The following CYP2J2 variants were observed in gnomAD, a reference collection of about 807,000 sequenced individuals.
CYP2J2 encodes the protein cytochrome P450 2J2.
In CYP2J2, 41 loss-of-function variants were observed where a neutral mutation model predicts 48.8. The observed-to-expected ratio is 0.84, with a 90% CI of 0.66 to 1.09. The LOEUF (loss-of-function observed/expected upper bound fraction) is 1.09, where lower values mean the gene tolerates loss of function less well. Among genes scored for constraint, CYP2J2 ranks in the 50% least tolerant of loss-of-function variants. The pLI is 0.00. For missense variants in CYP2J2, 644 were observed against 617.3 expected (o/e 1.04, Z -0.46); for synonymous variants, 221 against 227.1 (o/e 0.97, Z 0.24).
Position 59,911,749 on chromosome 1 carries a change from A to G in CYP2J2, c.543T>C (p.His181=). ...TGGAAACTGCATTGTTGATCTTGAAATGAGGGTCAAAAGGCTGTCCTGAAG... is the reference window on the plus strand; with the variant it reads ...TGGAAACTGCATTGTTGATCTTGAAGTGAGGGTCAAAAGGCTGTCCTGAAG... ...KEENGQPFDP[H]FKINNAVSNI... The change falls in exon 4 of 9, where the codon CAT becomes CAC. Residue 181 remains histidine (H), a synonymous_variant. Coordinates refer to ENST00000371204, the MANE Select transcript of CYP2J2 (RefSeq NM_000775.4). The G allele has an allele frequency of 6.2e-7, 1 of 1,613,302 alleles. No individual in the cohort carries two copies. Among genetic ancestry groups the G allele is most frequent in the Non-Finnish European group, 8.5e-7 (1 of 1,179,560 alleles).
rs1644274838 is a variant in CYP2J2, at chr1:59,896,916, T to C, written c.1331-3087A>G. Among the ~76,000 whole-genome samples the C allele has an allele frequency of 2.0e-5, 3 of 152,252 alleles. No homozygotes were observed. In the South Asian group the frequency reaches 6.2e-4, roughly 32 times the overall value. On this transcript the variant is annotated intron_variant, in intron 8 of 8. Coordinates refer to ENST00000371204, the MANE Select transcript of CYP2J2 (RefSeq NM_000775.4). ...ACATCATAACAGATATTATTCCCTA[T>C]AGTCAATTCTATTTGCTGCTTTTAC...
chr1:59,916,391 T>A (rs1223814890), intron 1 of CYP2J2, among the ~76,000 whole-genome samples: 1 of 152,188 alleles, frequency 6.6e-6, no homozygotes, highest in Non-Finnish European at 1.5e-5. Context: ...TGAGTGAGCA[T>A]CTATCATGTG....
chr1:59,946,092 CCTGT>C, the CYP2J2 span, among the ~76,000 whole-genome samples: 768 of 152,322 alleles, frequency 5.0e-3, 10 homozygotes, highest in African/African-American at 0.017. Flanking sequence ...TGCTAAAGTA[CCTGT>C]CTAATGCCTT....
chr1:59,926,546 CT>C lies in CYP2J2; in HGVS notation c.200del (p.Glu67GlyfsTer6). 6.2e-7 allele frequency: 1 copy of C among 1,613,958 alleles called. No individual in the cohort carries two copies. Among genetic ancestry groups the C allele is most frequent in the Non-Finnish European group, 8.5e-7 (1 of 1,179,804 alleles). On this transcript the variant is annotated frameshift_variant, in exon 1 of 9. Coordinates refer to ENST00000371204, the MANE Select transcript of CYP2J2 (RefSeq NM_000775.4). LOFTEE classifies it high-confidence loss of function. ...CTTCTCCCACTCCTACCAGCTGAAC[CT>C]CCAGGTGCGACTGCTCGAAGTCCAC... ...FLVDFEQSHLEVQLFVKKYGN... is the reference protein window; with the variant it reads ...FLVDFEQSHLXVQLFVKKYGN...
the CYP2J2 span, among the ~76,000 whole-genome samples, chr1:59,935,850 T>C: frequency 1.3e-4 from 20 of 152,240 alleles, no homozygotes; most frequent in African/African-American, 4.3e-4. Context: ...CTTGGCTCAC[T>C]GCAACCTCCT....
At chr1:59,939,562 T>C in the CYP2J2 span, among the ~76,000 whole-genome samples, 2 of 152,190 alleles carry the variant, frequency 1.3e-5, no homozygotes, top group African/African-American at 2.4e-5. Context: ...GGATCTCACC[T>C]AAGGTCTGCT....
chr1:59,933,594 C>T, the CYP2J2 span, among the ~76,000 whole-genome samples: 1 of 152,160 alleles, frequency 6.6e-6, no homozygotes, highest in East Asian at 1.9e-4. Context: ...TGTGTGGAAT[C>T]TTTAGAGTTT....
At chr1:59,921,911 C>T (rs1463616917) in intron 1 of CYP2J2, among the ~76,000 whole-genome samples, 2 of 152,128 alleles carry the variant, frequency 1.3e-5, no homozygotes, top group Non-Finnish European at 2.9e-5. Flanking sequence ...CTTCTGCATA[C>T]TGATGTTAAA....
chr1:59,958,020 T>C, the CYP2J2 span, among the ~76,000 whole-genome samples: 3 of 152,198 alleles, frequency 2.0e-5, no homozygotes, highest in Non-Finnish European at 2.9e-5. Context: ...CAGATCTCTG[T>C]GCTCTTGACA....
intron 1 of CYP2J2, among the ~76,000 whole-genome samples, chr1:59,924,374 A>C (rs898262271): frequency 5.3e-5 from 8 of 152,162 alleles, no homozygotes; most frequent in African/African-American, 1.9e-4. Context: ...ATAAATGAAA[A>C]GGGTAAATAA....
rs576624129 is a variant in CYP2J2 at position 59,921,870 on chromosome 1, A to G, written c.210+4667T>C. On this transcript the variant is annotated intron_variant, in intron 1 of 8. Transcript: ENST00000371204. The stretch of plus-strand genomic sequence containing the variant: ...GTTAGAAATTGCTGATGCACACACT[A>G]TATTGTAAATTCTTATCTCTGTATA... Among the ~76,000 whole-genome samples the G allele has an allele frequency of 2.0e-5, 3 of 152,238 alleles. No individual in the cohort carries two copies. In the East Asian group the frequency reaches 5.8e-4, roughly 30 times the overall value.
chr1:59,918,722 C>A (rs763035743), intron 1 of CYP2J2, among the ~76,000 whole-genome samples: 2 of 149,412 alleles, frequency 1.3e-5, no homozygotes, highest in African/African-American at 4.9e-5. Context: ...AAATAAGATG[C>A]CTTTTGAAAG....
chr1:59,907,911 G>A lies in CYP2J2; in HGVS notation c.878C>T (p.Thr293Ile). The A allele has an allele frequency of 1.2e-6, 2 of 1,614,096 alleles. No homozygotes were observed. Among genetic ancestry groups the A allele is most frequent in the Non-Finnish European group, 1.7e-6 (2 of 1,179,950 alleles). ...GAGGTTTTCTTCATGGAAACTTGAA[G>A]TAGGATTGCCTGTGTGCTAGAAAAC... Reference protein sequence around the residue: ...KEMSKHTGNPTSSFHEENLIC... With the variant: ...KEMSKHTGNPISSFHEENLIC... Residue 293 changes from threonine to isoleucine, a missense_variant, in exon 6 of 9, where the codon ACT (threonine) becomes ATT (isoleucine). Coordinates refer to ENST00000371204, the MANE Select transcript of CYP2J2 (RefSeq NM_000775.4).
chr1:59,962,486 A>G, the CYP2J2 span, among the ~76,000 whole-genome samples: 1 of 152,216 alleles, frequency 6.6e-6, no homozygotes, highest in Non-Finnish European at 1.5e-5. Flanking sequence ...AATACCACTT[A>G]GAGTAGACTC....
At chr1:59,900,763 G>A (rs1559072468) in intron 8 of CYP2J2, among the ~76,000 whole-genome samples, 1 of 152,170 alleles carries the variant, frequency 6.6e-6, no homozygotes, top group Non-Finnish European at 1.5e-5. Context: ...GGCAATGAAT[G>A]GAGGGCTTAG....
chr1:59,901,213 C>A, intron 7 of CYP2J2, 110 bp from the exon 8 acceptor site: 8 of 1,092,938 alleles, frequency 7.3e-6, no homozygotes, highest in South Asian at 6.1e-5. Context: ...ACATACTGCC[C>A]CACCCTCCCC....
chr1:59,968,854 C>T, the CYP2J2 span, among the ~76,000 whole-genome samples: 4 of 152,330 alleles, frequency 2.6e-5, no homozygotes, highest in East Asian at 1.9e-4. Flanking sequence ...AATGAAGCCG[C>T]GGACCCTCGC....
At chr1:59,944,094 C>T in the CYP2J2 span, among the ~76,000 whole-genome samples, 3 of 148,146 alleles carry the variant, frequency 2.0e-5, no homozygotes, top group African/African-American at 7.8e-5. Flanking sequence ...ATATCTTAGC[C>T]GTTTAAGTAT....
chr1:59,953,815 A>C, the CYP2J2 span, among the ~76,000 whole-genome samples: 1 of 152,192 alleles, frequency 6.6e-6, no homozygotes, highest in African/African-American at 2.4e-5. Flanking sequence ...GAGCAGTGGA[A>C]GATGAGCCTG....
Sources: gnomAD v4.1 joint callset for allele counts (sites outside exome capture counted in the v4.1 genomes callset) on GRCh38, gnomAD v4.1.1 for gene constraint, MANE v1.5 for transcripts, NCBI Gene and HGNC (gene_info 2026-07-23, HGNC 2026-07-21) for gene names.